Variants in SEM1 observed in about 807,000 individuals in gnomAD.
The protein encoded by SEM1 is SEM1 26S proteasome subunit.
In SEM1, 3 loss-of-function variants were observed where a neutral mutation model predicts 12.7. The ratio of observed to expected loss-of-function variants is 0.24; its 90% CI spans 0.11 to 0.61. SEM1 has a LOEUF of 0.61. Ranked by LOEUF, SEM1 falls within the 20% of genes least tolerant of loss-of-function variation. SEM1 has a pLI of 0.88. For missense variants in SEM1, 59 were observed against 81.3 expected, an observed-to-expected ratio of 0.73 and a Z score of 1.06; for synonymous variants, 30 against 27.8, an observed-to-expected ratio of 1.08 and a Z score of -0.25.
chr7:96,567,427 T>G (rs1563063839), intron 2 of SEM1, among the ~76,000 whole-genome samples: 1 of 151,684 alleles, frequency 6.6e-6, no homozygotes, highest in Non-Finnish European at 1.5e-5. Context: ...TTTGTGGTGT[T>G]TTCCAGCTGT....
downstream of SEM1, among the ~76,000 whole-genome samples, chr7:96,687,305 T>C (rs1345529017): frequency 6.6e-6 from 1 of 152,202 alleles, no homozygotes; most frequent in Non-Finnish European, 1.5e-5. Context: ...CAAAGGACTA[T>C]AAATTATGCT....
At chr7:96,623,416 T>C (rs981167990) in intron 2 of SEM1, among the ~76,000 whole-genome samples, 3 of 149,240 alleles carry the variant, frequency 2.0e-5, no homozygotes, top group Admixed American at 1.3e-4. Flanking sequence ...TTCTTCTTTT[T>C]CTTCTTCTTC....
At chr7:96,566,634 A>G (rs1805850670) in intron 2 of SEM1, among the ~76,000 whole-genome samples, 1 of 151,560 alleles carries the variant, frequency 6.6e-6, no homozygotes, top group Non-Finnish European at 1.5e-5. Flanking sequence ...TATGCAGACA[A>G]TGTTTAATTT....
At chr7:96,583,992 T>C (rs1806513612) in intron 2 of SEM1, among the ~76,000 whole-genome samples, 1 of 152,128 alleles carries the variant, frequency 6.6e-6, no homozygotes, top group African/African-American at 2.4e-5. Context: ...TATTGTTATG[T>C]GTGAATTTGA....
At chr7:96,682,172 T>C (rs917564446) in intron 2 of SEM1, among the ~76,000 whole-genome samples, 2 of 152,122 alleles carry the variant, frequency 1.3e-5, no homozygotes, top group African/African-American at 4.8e-5. Context: ...TCACTCATGA[T>C]TTCGCTCTCT....
intron 2 of SEM1, among the ~76,000 whole-genome samples, chr7:96,667,595 G>C (rs1789203644): frequency 6.6e-6 from 1 of 151,950 alleles, no homozygotes; most frequent in Non-Finnish European, 1.5e-5. Context: ...ACCGCTGGAG[G>C]TTCATTCAGG....
chr7:96,604,174 C>T (rs923101221), intron 2 of SEM1, among the ~76,000 whole-genome samples: 7 of 152,184 alleles, frequency 4.6e-5, no homozygotes, highest in African/African-American at 1.4e-4. Context: ...GACCATTCTG[C>T]ACTTTCCATC....
At chr7:96,513,188 T>G (rs913126305) in intron 2 of SEM1, among the ~76,000 whole-genome samples, 2 of 151,962 alleles carry the variant, frequency 1.3e-5, no homozygotes, top group Non-Finnish European at 2.9e-5. Flanking sequence ...GAGAACACCC[T>G]GAACAAGCAA....
At chr7:96,702,995 G>A (rs1790316670) in intron 1 of SEM1, among the ~76,000 whole-genome samples, 3 of 152,164 alleles carry the variant, frequency 2.0e-5, no homozygotes, top group Non-Finnish European at 4.4e-5. Context: ...AAAGAGACAG[G>A]ACAAGATAAT....
chr7:96,563,394 TG>T (rs1459059940), intron 2 of SEM1, among the ~76,000 whole-genome samples: 1 of 151,746 alleles, frequency 6.6e-6, no homozygotes, highest in Non-Finnish European at 1.5e-5. Context: ...CCTAGGAAAA[TG>T]GTCATGGCAA....
chr7:96,584,154 G>A (rs980272240), intron 2 of SEM1, among the ~76,000 whole-genome samples: 2 of 152,082 alleles, frequency 1.3e-5, no homozygotes, highest in Non-Finnish European at 2.9e-5. Context: ...CTCTTTTTGG[G>A]TAGGCCTGGT....
rs184369934 is a variant in SEM1, at chr7:96,567,703, A to G, written c.171-61005T>C. Among the ~76,000 whole-genome samples the G allele has an allele frequency of 2.0e-3, 306 of 151,660 alleles. 1 individual carries two copies. The highest frequency in any genetic ancestry group is 7.3e-3 in the African/African-American group (302 of 41,518). On this transcript the variant is annotated intron_variant and NMD_transcript_variant, in intron 2 of 3. Coordinates refer to the SEM1 transcript ENST00000466986. ...TATCAAGAGTCTTTTAAAACCAACA[A>G]TGGATTTTGAACTTAAATACCTTCA... is the stretch of plus-strand genomic sequence containing the variant.
chr7:96,601,378 G>C (rs1181876698), intron 2 of SEM1, among the ~76,000 whole-genome samples: 1 of 152,138 alleles, frequency 6.6e-6, no homozygotes, highest in South Asian at 2.1e-4. Flanking sequence ...AAGGAGGATG[G>C]GGTGGGCTAT....
At chr7:96,675,315 T>C (rs1330125429) in intron 2 of SEM1, among the ~76,000 whole-genome samples, 1 of 152,182 alleles carries the variant, frequency 6.6e-6, no homozygotes, top group African/African-American at 2.4e-5. Flanking sequence ...TCACTTGATA[T>C]TCCTTCCTTT....
At chr7:96,539,265 T>C (rs1358998365) in intron 2 of SEM1, among the ~76,000 whole-genome samples, 1 of 151,844 alleles carries the variant, frequency 6.6e-6, no homozygotes, top group Non-Finnish European at 1.5e-5. Flanking sequence ...GCAGAGAATC[T>C]GGCTAAGCAA....
At chr7:96,500,348 G>T (rs1803480082), upstream of SEM1, among the ~76,000 whole-genome samples, 1 of 152,072 alleles carries the variant, frequency 6.6e-6, no homozygotes, top group Non-Finnish European at 1.5e-5. Context: ...ACAGCAACCT[G>T]TGAAAATGCT....
intron 2 of SEM1, among the ~76,000 whole-genome samples, chr7:96,512,490 T>C (rs1314554446): frequency 2.0e-5 from 3 of 152,154 alleles, no homozygotes; most frequent in Non-Finnish European, 4.4e-5. Context: ...TCAATATAAT[T>C]GAAGCCAAAT....
chr7:96,505,098 CTATT>C (rs767597007), intron 3 of SEM1, among the ~76,000 whole-genome samples: 9 of 151,524 alleles, frequency 5.9e-5, no homozygotes, highest in East Asian at 2.0e-4. Context: ...AGTTATCTAT[CTATT>C]TATTTATTTA....
In SEM1 at chr7:96,698,878, AC is replaced by A. The variant is rs1790182595; in HGVS notation, c.77-3988del. Among the ~76,000 whole-genome samples the A allele has an allele frequency of 2.0e-5, 3 of 152,158 alleles. No homozygotes were observed. The South Asian group carries it at 6.2e-4, about 32-fold the overall frequency. Reference sequence around the variant, plus strand: ...AATGGTTGAACTAATTTACACTCCCACCAACAGTGTAAAAGCGTTCCTACTT... The same window carrying A: ...AATGGTTGAACTAATTTACACTCCCACAACAGTGTAAAAGCGTTCCTACTT... On this transcript the variant is annotated intron_variant, in intron 1 of 2. Transcript: ENST00000248566.
Sources: gnomAD v4.1 joint callset for allele counts (sites outside exome capture counted in the v4.1 genomes callset) on GRCh38, gnomAD v4.1.1 for gene constraint, MANE v1.5 for transcripts, NCBI Gene and HGNC (gene_info 2026-07-23, HGNC 2026-07-21) for gene names.